The following SCEL variants were observed in gnomAD, a reference collection of about 807,000 sequenced individuals.
The protein encoded by SCEL is sciellin.
In SCEL, 113 loss-of-function variants were observed where a neutral mutation model predicts 117.6. The ratio of observed to expected loss-of-function variants is 0.96; its 90% CI spans 0.83 to 1.12. The LOEUF (loss-of-function observed/expected upper bound fraction) is 1.12. SCEL is among the 50% of genes most tolerant of loss of function. The pLI is 0.00. For synonymous variants in SCEL, 270 were observed against 256.2 expected, an observed-to-expected ratio of 1.05 and a Z score of -0.51; for missense variants, 785 against 810.8, an observed-to-expected ratio of 0.97 and a Z score of 0.39.
intron 27 of SCEL, among the ~76,000 whole-genome samples, chr13:77,626,179 G>T (rs547080054): frequency 2.0e-5 from 3 of 152,288 alleles, no homozygotes; most frequent in Non-Finnish European, 4.4e-5. Context: ...GTGGTGGCAG[G>T]CAAGAGAGCT....
chr13:77,596,221 T>G (rs183722365), intron 12 of SCEL, among the ~76,000 whole-genome samples: 2 of 151,950 alleles, frequency 1.3e-5, no homozygotes, highest in African/African-American at 4.8e-5. Context: ...TAGTCCCAGC[T>G]ACTTGGGAGG....
At chr13:77,633,393 G>A (rs916132602) in intron 28 of SCEL, among the ~76,000 whole-genome samples, 4 of 129,612 alleles carry the variant, frequency 3.1e-5, no homozygotes, top group African/African-American at 9.0e-5. Context: ...CCGAGATTGC[G>A]CCACTGCAGT....
chr13:77,562,420 T>C (rs73227358), intron 4 of SCEL, among the ~76,000 whole-genome samples: 9,300 of 152,252 alleles, frequency 0.061, 361 homozygotes, highest in East Asian at 0.088. Flanking sequence ...GGCATTTTTC[T>C]TCACTCTTTT....
At chr13:77,612,456 CTTTTT>C (rs71102764) in intron 22 of SCEL, among the ~76,000 whole-genome samples, 88 of 93,598 alleles carry the variant, frequency 9.4e-4, no homozygotes, top group Admixed American at 1.7e-3. Flanking sequence ...TTTTTCTTTT[CTTTTT>C]TTTTTTTTTT....
In SCEL at chr13:77,540,810, C is replaced by T. The variant is rs577907804; in HGVS notation, c.-20+4986C>T. Among the ~76,000 whole-genome samples, 18 of 152,232 alleles carry T rather than the reference C, an allele frequency of 1.2e-4. No homozygotes were observed. The East Asian group carries it at 2.9e-3, about 24-fold the overall frequency. ...CTGACAGAAAGGGAACACCCTTGAA[C>T]GACTTTAAGTAGGTGATGACTACTT... On this transcript the variant is annotated intron_variant, in intron 1 of 32. Transcript: ENST00000349847.
chr13:77,574,740 A>G (rs2085838320), intron 9 of SCEL, among the ~76,000 whole-genome samples: 1 of 152,168 alleles, frequency 6.6e-6, no homozygotes. Flanking sequence ...GAGGAGCCCA[A>G]AGAAAATGGA....
chr13:77,593,093 T>C (rs2086970307), intron 11 of SCEL, among the ~76,000 whole-genome samples: 1 of 152,204 alleles, frequency 6.6e-6, no homozygotes, highest in South Asian at 2.1e-4. Context: ...GAAAACCTTT[T>C]GAACTCACTT....
chr13:77,602,653 G>A lies in SCEL; in HGVS notation c.978-1G>A, dbSNP rs1304658674. 6 of 1,613,292 alleles carry A rather than the reference G, an allele frequency of 3.7e-6. No homozygotes were observed. The highest frequency in any genetic ancestry group is 5.1e-6 in the Non-Finnish European group (6 of 1,179,614). On this transcript the variant is annotated splice_acceptor_variant, in intron 16 of 32. Transcript: ENST00000349847. LOFTEE classifies it high-confidence loss of function. ...GACAAGTTTTGGTGTTTTTTCCAAAGAAGACAAAATCTCGAATCTGTTGCT... is the reference window on the plus strand; with the variant it reads ...GACAAGTTTTGGTGTTTTTTCCAAAAAAGACAAAATCTCGAATCTGTTGCT...
intron 11 of SCEL, among the ~76,000 whole-genome samples, chr13:77,591,905 G>T (rs942967689): frequency 7.2e-5 from 11 of 152,096 alleles, no homozygotes; most frequent in Admixed American, 3.9e-4. Context: ...TCGGGGGGGA[G>T]GGTAAGGTGG....
intron 17 of SCEL, 61 bp from the exon 18 acceptor site, chr13:77,603,015 G>A: frequency 4.5e-6 from 4 of 892,540 alleles, no homozygotes; most frequent in African/African-American, 1.7e-5. Flanking sequence ...GAATACAGAA[G>A]ATGTATGTGT....
chr13:77,559,775 T>C lies in SCEL; in HGVS notation c.162-29T>C, dbSNP rs767946340. 9 of 1,603,824 alleles carry C rather than the reference T, an allele frequency of 5.6e-6. No individual in the cohort carries two copies. The East Asian group carries it at 1.3e-4, about 24-fold the overall frequency. ...TGGTCAACATTGTGGTAACTTTCTA[T>C]GTGACATACTTTTGTTCTTTCTTTG... is the stretch of plus-strand genomic sequence containing the variant. On this transcript the variant is annotated intron_variant, in intron 3 of 32. Transcript: ENST00000349847.
At chr13:77,557,949 GTAT>G (rs2084754019) in intron 3 of SCEL, among the ~76,000 whole-genome samples, 1 of 152,150 alleles carries the variant, frequency 6.6e-6, no homozygotes. Context: ...CTGTTATTGA[GTAT>G]TATTTCAAGG....
chr13:77,571,364 G>GAA (rs1567364078), intron 8 of SCEL, among the ~76,000 whole-genome samples: 1 of 122,128 alleles, frequency 8.2e-6, no homozygotes. Flanking sequence ...CTGGGAGACA[G>GAA]CGAGACTACA....
At position 77,606,178 on chromosome 13, in the gene SCEL, T is replaced by G. The variant is rs1306689142; in HGVS notation, c.1157+1763T>G. On this transcript the variant is annotated intron_variant, in intron 19 of 32. Transcript: ENST00000349847. Reference sequence around the variant, plus strand: ...TTCCCATGTACATGAGTGTGTGCATTGCATGTGTGTACGTTGTGCATGTGT... The same window carrying G: ...TTCCCATGTACATGAGTGTGTGCATGGCATGTGTGTACGTTGTGCATGTGT... 3.3e-5 allele frequency among the ~76,000 whole-genome samples: 5 copies of G among 152,304 alleles called. No individual in the cohort carries two copies. The East Asian group carries it at 9.6e-4, about 29-fold the overall frequency.
At chr13:77,555,803 T>A (rs1437282102) in intron 1 of SCEL, 54 bp from the exon 2 acceptor site, 2 of 1,158,070 alleles carry the variant, frequency 1.7e-6, no homozygotes, top group African/African-American at 3.0e-5. Flanking sequence ...AACAGTCACT[T>A]ACAGGTTCTC....
Position 77,595,875 on chromosome 13 carries a change from T to C in SCEL, c.753-1670T>C, listed in dbSNP as rs528674180. Among the ~76,000 whole-genome samples, 63 of 152,294 alleles carry C rather than the reference T, an allele frequency of 4.1e-4. No individual in the cohort carries two copies. In the South Asian group the frequency reaches 0.01, roughly 25 times the overall value. ...ACAGGATTCACCTATGTACTGGCTG[T>C]TAATTTAGGGTCTCTAAGAGGACTA... On this transcript the variant is annotated intron_variant, in intron 12 of 32. Coordinates refer to ENST00000349847, the MANE Select transcript of SCEL (RefSeq NM_144777.3).
intron 2 of SCEL, among the ~76,000 whole-genome samples, chr13:77,556,281 A>G (rs1171651553): frequency 6.6e-6 from 1 of 152,172 alleles, no homozygotes; most frequent in African/African-American, 2.4e-5. Flanking sequence ...TTATGGGGTA[A>G]AAAGGCCAAC....
chr13:77,560,308 C>G (rs575987980), intron 4 of SCEL, among the ~76,000 whole-genome samples: 6 of 150,586 alleles, frequency 4.0e-5, no homozygotes, highest in African/African-American at 1.5e-4. Context: ...TGTGATGGTG[C>G]GCACCTGTCG....
intron 23 of SCEL, 111 bp downstream of exon 23, chr13:77,613,052 G>C (rs959562997): frequency 1.6e-6 from 1 of 644,966 alleles, no homozygotes; most frequent in Non-Finnish European, 2.7e-6. Context: ...GAAAAAAAAT[G>C]AGAACAAGTT....
Sources: gnomAD v4.1 joint callset for allele counts (sites outside exome capture counted in the v4.1 genomes callset) on GRCh38, gnomAD v4.1.1 for gene constraint, MANE v1.5 for transcripts, NCBI Gene and HGNC (gene_info 2026-07-23, HGNC 2026-07-21) for gene names.